The following SMC1A variants were observed in gnomAD, a reference collection of about 807,000 sequenced individuals.
SMC1A encodes the protein structural maintenance of chromosomes protein 1A.
Under a neutral mutation model 94.5 loss-of-function variants are expected in SMC1A, and 4 were observed. That is an observed-to-expected ratio of 0.04 (90% CI 0.02 to 0.10). The LOEUF (loss-of-function observed/expected upper bound fraction) is 0.10. Ranked by LOEUF, SMC1A falls within the 10% of genes least tolerant of loss-of-function variation. The pLI, the probability that SMC1A is intolerant of heterozygous loss-of-function variation, is 1.00. For missense variants in SMC1A, 304 were observed against 989.0 expected (o/e 0.31, Z 9.29); for synonymous variants, 345 against 347.7 (o/e 0.99, Z 0.09).
rs1445642790 is a variant in SMC1A, at chrX:53,382,545, A to G, written c.3246T>C (p.Asp1082=). The G allele has an allele frequency of 4.2e-6, 5 of 1,201,060 alleles. No individual in the cohort carries two copies. In the African/African-American group the frequency reaches 8.8e-5, roughly 21 times the overall value. ...ACFESVATNI[D]EIYKALSRNS... is the part of the protein sequence containing the mutation. ...TGCGGGACAGGGCCTTATAGATCTC[A>G]TCAATGTTGGTAGCCACAGATTCAA... is the stretch of plus-strand genomic sequence containing the variant. The change falls in exon 21 of 25, where the codon GAT becomes GAC. Residue 1082 remains aspartate, a synonymous_variant. Transcript: ENST00000322213.
chrX:53,379,780 C>A lies in SMC1A; in HGVS notation c.*323G>T. ...GGATACATACATACACACATACATA[C>A]CCACACACACAGTGGGCAAGAGGCC... On this transcript the variant is annotated 3_prime_UTR_variant, in exon 25 of 25. Transcript: ENST00000322213. The A allele has an allele frequency of 8.1e-6, 3 of 371,414 alleles. No homozygotes were observed. The allele number at this position is 371,414 out of a possible 1,213,427, so 30.6% of individuals were successfully genotyped here.
intron 15 of SMC1A, among the ~76,000 whole-genome samples, chrX:53,403,045 C>T (rs1446180607): frequency 6.0e-5 from 6 of 100,338 alleles, no homozygotes; most frequent in African/African-American, 1.5e-4. Context: ...AAAAATTAGC[C>T]GGGCGTGGTG....
In SMC1A at chrX:53,377,211, C is replaced by T. The variant is rs2075563158; in HGVS notation, c.*2892G>A. ...GCCACTAAACCAGTGGAATCTTGGA[C>T]AAGTCACCTCACCTCCTGGATCCTC... On this transcript the variant is annotated 3_prime_UTR_variant, in exon 25 of 25. Coordinates refer to ENST00000322213, the MANE Select transcript of SMC1A (RefSeq NM_006306.4). 1 of 112,124 alleles carries T rather than the reference C, an allele frequency of 8.9e-6. No homozygotes were observed. The highest frequency in any genetic ancestry group is 3.7e-4 in the South Asian group (1 of 2,726). 9.2% of individuals were successfully genotyped at this position (112,124 alleles called of 1,213,427 possible).
chrX:53,405,406 G>C lies in SMC1A; in HGVS notation c.1912-15C>G, dbSNP rs368182180. 1 of 1,211,430 alleles carries C rather than the reference G, an allele frequency of 8.3e-7. No individual in the cohort carries two copies. Among genetic ancestry groups the C allele is most frequent in the South Asian group, 1.8e-5 (1 of 56,946 alleles). On this transcript the variant is annotated splice_polypyrimidine_tract_variant and intron_variant, in intron 11 of 24. Transcript: ENST00000322213. ...AGTGCCACTGTCTACACACAGCAGG[G>C]GGAAGAGAGAAGAGGGGGAGAAGCT...
intron 1 of SMC1A, among the ~76,000 whole-genome samples, chrX:53,418,956 G>A (rs782067234): frequency 9.7e-6 from 1 of 103,569 alleles, no homozygotes; most frequent in East Asian, 3.1e-4. Flanking sequence ...CACGAGAATC[G>A]CTTAAACCCA....
chrX:53,387,133 C>T (rs1556886543), intron 19 of SMC1A, among the ~76,000 whole-genome samples: 1 of 111,501 alleles, frequency 9.0e-6, no homozygotes, highest in Non-Finnish European at 1.9e-5. Flanking sequence ...GTAGCTAGGA[C>T]TACAGGCGCC....
rs782108073 is a variant in SMC1A, at chrX:53,376,010, T to C, written c.*4093A>G. ...GCATTCATTCATTCAAAAACTTTAC[T>C]GGGTGCCTGTTTTGTGTCAGGCACT... On this transcript the variant is annotated 3_prime_UTR_variant, in exon 25 of 25. Transcript: ENST00000322213. 2 of 112,877 alleles carry C rather than the reference T, an allele frequency of 1.8e-5. No homozygotes were observed. The highest frequency in any genetic ancestry group is 7.4e-4 in the South Asian group (2 of 2,703). The allele number at this position is 112,877 out of a possible 1,213,427, so 9.3% of individuals were successfully genotyped here.
chrX:53,387,081 T>C (rs1269439352), intron 19 of SMC1A, among the ~76,000 whole-genome samples: 1 of 112,196 alleles, frequency 8.9e-6, no homozygotes, highest in Non-Finnish European at 1.9e-5. Flanking sequence ...CTGCAACCTC[T>C]GCCTCCCAGG....
At chrX:53,421,423 G>A (rs186345104) in intron 1 of SMC1A, among the ~76,000 whole-genome samples, 159 of 112,272 alleles carry the variant, frequency 1.4e-3, no homozygotes, top group Non-Finnish European at 2.5e-3. Flanking sequence ...CAGTCTCCAG[G>A]AAAGGTACTC....
At chrX:53,406,196 G>A (rs1330853100) in intron 9 of SMC1A, among the ~76,000 whole-genome samples, 2 of 111,013 alleles carry the variant, frequency 1.8e-5, no homozygotes, top group Non-Finnish European at 3.8e-5. Flanking sequence ...AGACCAGCCT[G>A]GGCAACATAA....
chrX:53,390,207 G>T (rs1254931462), intron 19 of SMC1A, among the ~76,000 whole-genome samples: 1 of 105,828 alleles, frequency 9.4e-6, no homozygotes, highest in Non-Finnish European at 1.9e-5. Flanking sequence ...GGGCGGGGGG[G>T]CCGGGCCCCA....
chrX:53,409,064 C>G lies in SMC1A; in HGVS notation c.1543G>C (p.Val515Leu). The G allele has an allele frequency of 8.3e-7, 1 of 1,209,018 alleles. No homozygotes were observed. Among genetic ancestry groups the G allele is most frequent in the Non-Finnish European group, 1.1e-6 (1 of 893,319 alleles). ...ESIKRLYPGS[V>L]YGRLIDLCQP... is the part of the protein sequence containing the mutation. ...ATGAGTTCCCTCTCTGCTCTTACCA[C>G]AGAGCCAGGGTAAAGGCGCTTGATG... Residue 515 changes from valine to leucine, a missense_variant and splice_region_variant, in exon 9 of 25, where the codon GTG (valine) becomes CTG (leucine). This residue lies in a region of SMC1A where 57 missense variants were observed against 278.1 expected (regional missense o/e 0.20). Coordinates refer to ENST00000322213, the MANE Select transcript of SMC1A (RefSeq NM_006306.4).
At chrX:53,394,729 ACTCC>A in intron 19 of SMC1A, 45 bp downstream of exon 19, 4 of 575,993 alleles carry the variant, frequency 6.9e-6, no homozygotes, top group East Asian at 3.5e-5. Flanking sequence ...AGATAGTCCC[ACTCC>A]CACCCAACCC....
At chrX:53,383,073 C>T in intron 20 of SMC1A, 24 bp downstream of exon 20, 2 of 1,203,082 alleles carry the variant, frequency 1.7e-6, no homozygotes, top group South Asian at 3.6e-5. Context: ...TCATCGTAGG[C>T]CCAAGTAGAA....
At chrX:53,392,129 G>T (rs369711720) in intron 19 of SMC1A, among the ~76,000 whole-genome samples, 23 of 111,230 alleles carry the variant, frequency 2.1e-4, no homozygotes, top group Admixed American at 2.0e-3. Context: ...AGTGGCTCAC[G>T]CCTGTAATCC....
chrX:53,404,927 G>A (rs1431986685), intron 13 of SMC1A, 85 bp downstream of exon 13: 10 of 1,083,999 alleles, frequency 9.2e-6, no homozygotes, highest in Admixed American at 2.6e-5. Context: ...ACGGGGAAGT[G>A]AAACAAGTTC....
At chrX:53,422,217 G>A (rs781940747) in intron 1 of SMC1A, among the ~76,000 whole-genome samples, 1 of 112,420 alleles carries the variant, frequency 8.9e-6, no homozygotes, top group African/African-American at 3.2e-5. Context: ...CTCCTTTGGC[G>A]GGAGGGGGAA....
At chrX:53,414,515 A>G (rs1279530049) in intron 3 of SMC1A, among the ~76,000 whole-genome samples, 1 of 111,958 alleles carries the variant, frequency 8.9e-6, no homozygotes, top group African/African-American at 3.2e-5. Context: ...AAGAACCACC[A>G]TTGTAAGGCA....
intron 9 of SMC1A, among the ~76,000 whole-genome samples, chrX:53,407,969 C>T (rs1343398851): frequency 9.0e-6 from 1 of 111,462 alleles, no homozygotes; most frequent in Non-Finnish European, 1.9e-5. Flanking sequence ...TTTTACAGAC[C>T]ACCACCACCC....
Sources: allele counts gnomAD v4.1 joint callset (sites outside exome capture counted in the v4.1 genomes callset), GRCh38; gene constraint gnomAD v4.1.1; regional missense constraint gnomAD v4.1.1; transcripts MANE v1.5; gene names NCBI Gene and HGNC (gene_info 2026-07-23, HGNC 2026-07-21).